Variants in RXRA observed in about 807,000 individuals in gnomAD.
The protein encoded by RXRA is retinoid X receptor alpha.
Under a neutral mutation model 44.5 loss-of-function variants are expected in RXRA, and 5 were observed. That is an observed-to-expected ratio of 0.11 (90% confidence interval 0.06 to 0.24). RXRA has a LOEUF of 0.24. RXRA is among the 10% of genes least tolerant of loss of function. The pLI is 1.00. For synonymous variants in RXRA, 291 were observed against 271.4 expected, an observed-to-expected ratio of 1.07 and a Z score of -0.71; for missense variants, 412 against 646.5, an observed-to-expected ratio of 0.64 and a Z score of 3.93.
At position 134,400,812 on chromosome 9, in the gene RXRA, G is replaced by A. The variant is rs538370396; in HGVS notation, c.29-820G>A. On this transcript the variant is annotated intron_variant, in intron 1 of 9. Coordinates refer to ENST00000481739, the MANE Select transcript of RXRA (RefSeq NM_002957.6). Reference sequence around the variant, plus strand: ...CCTCTTGTTCCTGGCACACACCAAGGCCTTGCACAAAGCCACCCAGCAGCG... The same window carrying A: ...CCTCTTGTTCCTGGCACACACCAAGACCTTGCACAAAGCCACCCAGCAGCG... Among the ~76,000 whole-genome samples the A allele has an allele frequency of 3.3e-4, 50 of 152,284 alleles. No homozygotes were observed. In the South Asian group the frequency reaches 0.01, roughly 31 times the overall value.
chr9:134,434,503 C>G (rs1831583702), intron 9 of RXRA, among the ~76,000 whole-genome samples: 1 of 152,186 alleles, frequency 6.6e-6, no homozygotes, highest in African/African-American at 2.4e-5. Flanking sequence ...CCCCACTGCG[C>G]TCCCCTACCA....
chr9:134,373,237 AG>A (rs1830511968), intron 1 of RXRA, among the ~76,000 whole-genome samples: 1 of 152,180 alleles, frequency 6.6e-6, no homozygotes, highest in East Asian at 1.9e-4. Flanking sequence ...CCCAGAGACC[AG>A]CCTTTGGTGC....
chr9:134,384,621 C>T lies in RXRA; in HGVS notation c.29-17011C>T, dbSNP rs73554169. ...GAGCAGCGTGTGGACCCATGCAGGGCGTGCTGGGGGGCAGGGGCCAGAGCT... is the reference window on the plus strand; with the variant it reads ...GAGCAGCGTGTGGACCCATGCAGGGTGTGCTGGGGGGCAGGGGCCAGAGCT... On this transcript the variant is annotated intron_variant, in intron 1 of 9. Coordinates refer to ENST00000481739, the MANE Select transcript of RXRA (RefSeq NM_002957.6). Among the ~76,000 whole-genome samples, 462 of 151,724 alleles carry T rather than the reference C, an allele frequency of 3.0e-3. 3 individuals carry two copies. Among genetic ancestry groups the T allele is most frequent in the African/African-American group, 0.011 (439 of 41,048 alleles).
At chr9:134,380,678 C>G (rs762292830) in intron 1 of RXRA, among the ~76,000 whole-genome samples, 1 of 152,134 alleles carries the variant, frequency 6.6e-6, no homozygotes, top group Non-Finnish European at 1.5e-5. Flanking sequence ...CGACACCTGG[C>G]TGTGGCTTGT....
intron 1 of RXRA, among the ~76,000 whole-genome samples, chr9:134,327,775 G>A (rs1241735471): frequency 1.3e-5 from 2 of 152,136 alleles, no homozygotes; most frequent in Non-Finnish European, 2.9e-5. Context: ...CCTCCTGGAT[G>A]TGAGGGTGAG....
chr9:134,355,614 C>T (rs928710621), intron 1 of RXRA, among the ~76,000 whole-genome samples: 1 of 152,148 alleles, frequency 6.6e-6, no homozygotes, highest in Middle Eastern at 3.2e-3. Flanking sequence ...GCACCACTGT[C>T]CACAGACAGG....
intron 6 of RXRA, among the ~76,000 whole-genome samples, chr9:134,427,547 C>T (rs1039958806): frequency 2.0e-5 from 3 of 152,232 alleles, no homozygotes; most frequent in African/African-American, 7.2e-5. Context: ...AGTTGGGTGC[C>T]ATCCCTGCCT....
intron 5 of RXRA, among the ~76,000 whole-genome samples, chr9:134,419,079 C>G (rs575586058): frequency 6.6e-6 from 1 of 152,188 alleles, no homozygotes; most frequent in Admixed American, 6.5e-5. Flanking sequence ...GGGACCCCGA[C>G]AGCAGGCACC....
At position 134,433,971 on chromosome 9, in the gene RXRA, G is replaced by A. The variant is rs997297723; in HGVS notation, c.1136-131G>A. 7 of 642,018 alleles carry A rather than the reference G, an allele frequency of 1.1e-5. No homozygotes were observed. Among genetic ancestry groups the A allele is most frequent in the African/African-American group, 5.5e-5 (3 of 54,728 alleles). The allele number at this position is 642,018 out of a possible 1,614,324, so 39.8% of individuals were successfully genotyped here. ...GGGAGCGGGCGGAGGCATGTCCAGC[G>A]GCATTCCTCCACCACCTGCTCTGCC... On this transcript the variant is annotated intron_variant, in intron 8 of 9. Transcript: ENST00000481739. The surrounding 1 kb of genome is among the most constrained non-coding windows in gnomAD (Gnocchi z 4.2).
In RXRA at chr9:134,388,286, T is replaced by TGTGTGTGTGTGTGTGTGA. The variant is rs71381810; in HGVS notation, c.29-13339_29-13338insTGTGTGTGTGAGTGTGTG. On this transcript the variant is annotated intron_variant, in intron 1 of 9. Coordinates refer to ENST00000481739, the MANE Select transcript of RXRA (RefSeq NM_002957.6). ...TTGGTGTTCTCAGCTAGAAGCAGTG[T>TGTGTGTGTGTGTGTGTGA]GTGTGTGAGTGTGTATGTGCATTTG... 1.1e-3 allele frequency among the ~76,000 whole-genome samples: 160 copies of TGTGTGTGTGTGTGTGTGA among 150,548 alleles called. 1 individual carries two copies. Among genetic ancestry groups the TGTGTGTGTGTGTGTGTGA allele is most frequent in the Middle Eastern group, 3.4e-3 (1 of 294 alleles).
chr9:134,350,085 T>A (rs1330468722), intron 1 of RXRA, among the ~76,000 whole-genome samples: 1 of 126,692 alleles, frequency 7.9e-6, no homozygotes. Flanking sequence ...TAGGGGGGGG[T>A]GGAAGGTGGG....
At chr9:134,393,497 C>T (rs1416161328) in intron 1 of RXRA, among the ~76,000 whole-genome samples, 2 of 152,208 alleles carry the variant, frequency 1.3e-5, no homozygotes, top group African/African-American at 4.8e-5. Flanking sequence ...CAGTGGCCGC[C>T]ATGGGCATCT....
At chr9:134,385,296 T>C (rs1373292457) in intron 1 of RXRA, among the ~76,000 whole-genome samples, 1 of 152,208 alleles carries the variant, frequency 6.6e-6, no homozygotes. Flanking sequence ...CAAAAGGCAT[T>C]CTGTGCCTTG....
intron 1 of RXRA, among the ~76,000 whole-genome samples, chr9:134,396,372 C>T (rs1830879145): frequency 6.6e-6 from 1 of 152,152 alleles, no homozygotes; most frequent in Admixed American, 6.5e-5. Context: ...ACGTCCTCAT[C>T]CCTGTCCCCG....
At chr9:134,351,615 G>A (rs1035522698) in intron 1 of RXRA, among the ~76,000 whole-genome samples, 3 of 152,246 alleles carry the variant, frequency 2.0e-5, no homozygotes, top group Non-Finnish European at 2.9e-5. Flanking sequence ...GGAGGAGGGT[G>A]CCGGCTCCGT....
intron 1 of RXRA, among the ~76,000 whole-genome samples, chr9:134,363,273 C>T (rs1178848407): frequency 6.6e-6 from 1 of 152,228 alleles, no homozygotes; most frequent in African/African-American, 2.4e-5. Flanking sequence ...CTGTCCTCTC[C>T]CAGTCCAGCA....
chr9:134,426,290 G>T lies in RXRA; in HGVS notation c.911-2818G>T, dbSNP rs1299485651. 3.0e-6 allele frequency: 3 copies of T among 985,336 alleles called. No individual in the cohort carries two copies. Among genetic ancestry groups the T allele is most frequent in the African/African-American group, 3.5e-5 (2 of 57,246 alleles). The allele number at this position is 985,336 out of a possible 1,614,324, so 61.0% of individuals were successfully genotyped here. ...GGGCCCCCACATCACAGGGCCAGGA[G>T]CCCTCCTTCCTGCAGCGATGGAGCA... On this transcript the variant is annotated intron_variant, in intron 6 of 9. Transcript: ENST00000481739. This position sits in a 1 kb window ranked among gnomAD's most constrained non-coding sequence, Gnocchi z 4.6.
At chr9:134,358,805 C>T (rs12005407) in intron 1 of RXRA, among the ~76,000 whole-genome samples, 1,875 of 152,318 alleles carry the variant, frequency 0.012, 30 homozygotes, top group African/African-American at 0.043. Flanking sequence ...GTTGGCAGGT[C>T]TGAGCCTGGC....
chr9:134,363,012 G>A (rs1287304412), intron 1 of RXRA, among the ~76,000 whole-genome samples: 1 of 152,230 alleles, frequency 6.6e-6, no homozygotes, highest in Non-Finnish European at 1.5e-5. Flanking sequence ...GGGAGAGTGT[G>A]GACGGTTGCA....
Sources: gnomAD v4.1 joint callset for allele counts (sites outside exome capture counted in the v4.1 genomes callset) on GRCh38, gnomAD v4.1.1 for gene constraint, Gnocchi (gnomAD v3.1) non-coding constraint, MANE v1.5 for transcripts, NCBI Gene and HGNC (gene_info 2026-07-23, HGNC 2026-07-21) for gene names.